SFPQ: variants seen among roughly 807,000 people sequenced by gnomAD.
The protein encoded by SFPQ is splicing factor, proline- and glutamine-rich.
In SFPQ, 11 loss-of-function variants were observed where a neutral mutation model predicts 72.9. The ratio of observed to expected loss-of-function variants is 0.15; its 90% CI spans 0.09 to 0.25. The LOEUF (loss-of-function observed/expected upper bound fraction) is 0.25. Among genes scored for constraint, SFPQ ranks in the 10% least tolerant of loss-of-function variants. The pLI is 1.00. For missense variants in SFPQ, 847 were observed against 993.3 expected, an observed-to-expected ratio of 0.85 and a Z score of 1.98; for synonymous variants, 506 against 367.3, an observed-to-expected ratio of 1.38 and a Z score of -4.32.
At chr1:35,180,609 CCAT>C, downstream of SFPQ, 3 of 1,049,528 alleles carry the variant, frequency 2.9e-6, no homozygotes, top group South Asian at 4.6e-5. Context: ...TTCATGAAGC[CCAT>C]GTTTTTAAAA....
rs527762335 is a variant in SFPQ at position 35,192,816 on chromosome 1, C to T, written c.234G>A (p.Pro78=). The T allele has an allele frequency of 1.4e-5, 21 of 1,504,768 alleles. No individual in the cohort carries two copies. The highest frequency in any genetic ancestry group is 6.5e-5 in the Admixed American group (3 of 46,330). The allele number at this position is 1,504,768 out of a possible 1,614,324, so 93.2% of individuals were successfully genotyped here. A position where few individuals can be genotyped will look rare whatever the true frequency, so the allele number is the denominator to read the frequency against. ...QQQQPPPQQP[P]PQQPPPHQPP... Reference sequence around the variant, plus strand: ...GCTGATGCGGTGGCGGCTGCTGCGGCGGTGGCTGCTGCGGTGGTGGCTGTT... The same window carrying T: ...GCTGATGCGGTGGCGGCTGCTGCGGTGGTGGCTGCTGCGGTGGTGGCTGTT... Residue 78 remains proline, a synonymous_variant, in exon 1 of 10, where the codon CCG becomes CCA. Coordinates refer to ENST00000357214, the MANE Select transcript of SFPQ (RefSeq NM_005066.3).
At chr1:35,186,803 C>T (rs1163199430) in intron 9 of SFPQ, among the ~76,000 whole-genome samples, 198 bp downstream of exon 9, 1 of 152,180 alleles carries the variant, frequency 6.6e-6, no homozygotes, top group African/African-American at 2.4e-5. Flanking sequence ...CAACCGTTAT[C>T]TGTTTAGGTT....
At position 35,187,069 on chromosome 1, in the gene SFPQ, T is replaced by TGCC; in HGVS notation, c.1915_1917dup (p.Gly639dup). The TGCC allele has an allele frequency of 1.2e-6, 2 of 1,614,096 alleles. No individual in the cohort carries two copies. The highest frequency in any genetic ancestry group is 1.7e-6 in the Non-Finnish European group (2 of 1,180,000). On this transcript the variant is annotated inframe_insertion, in exon 9 of 10. Coordinates refer to ENST00000357214, the MANE Select transcript of SFPQ (RefSeq NM_005066.3). ...ACGCCAGGATTAGCTTCATAACCTA[T>TGCC]GCCACCACCACCTCCTAGAGGTGGA...
At chr1:35,178,708 T>C (rs138245623), downstream of SFPQ, 161 of 1,054,290 alleles carry the variant, frequency 1.5e-4, 3 homozygotes, top group East Asian at 8.5e-3. Context: ...AAAACAAAGA[T>C]CAGCCTTCAT....
chr1:35,186,010 A>G (rs889912618), intron 9 of SFPQ, among the ~76,000 whole-genome samples: 3 of 152,238 alleles, frequency 2.0e-5, no homozygotes, highest in Non-Finnish European at 2.9e-5. Context: ...TGAAAAATCT[A>G]AAGAAAGCCC....
chr1:35,184,250 G>A lies in SFPQ; in HGVS notation c.*206C>T. On this transcript the variant is annotated 3_prime_UTR_variant, in exon 10 of 10. Transcript: ENST00000357214. ...TATACAGTAAAAAAGAAAAAATAAA[G>A]AAATAAAAAGGAAAAAAAAATTCTC... The A allele has an allele frequency of 1.5e-6, 2 of 1,335,516 alleles. No homozygotes were observed. Among genetic ancestry groups the A allele is most frequent in the Non-Finnish European group, 1.9e-6 (2 of 1,052,182 alleles). The allele number at this position is 1,335,516 out of a possible 1,614,324, so 82.7% of individuals were successfully genotyped here.
At position 35,192,425 on chromosome 1, in the gene SFPQ, C is replaced by T. The variant is rs1379833571; in HGVS notation, c.625G>A (p.Gly209Ser). The change falls in exon 1 of 10, where the codon GGC becomes AGC. Residue 209 changes from glycine (G) to serine (S), a missense_variant. Transcript: ENST00000357214. ...TTCGGCCCGCCAGGCATTTTGCCGC[C>T]TTTGGGACCACCCGGACCTGGGCCC... ...KQGPGPGGPK[G>S]GKMPGGPKPG... 2.8e-6 allele frequency: 4 copies of T among 1,426,526 alleles called. No individual in the cohort carries two copies. The highest frequency in any genetic ancestry group is 1.4e-5 in the South Asian group (1 of 69,908). 88.4% of individuals were successfully genotyped at this position (1,426,526 alleles called of 1,614,324 possible).
chr1:35,189,463 C>T, intron 4 of SFPQ, 81 bp from the exon 5 acceptor site: 1 of 1,151,252 alleles, frequency 8.7e-7, no homozygotes, highest in South Asian at 1.5e-5. Context: ...GATCTTTTTC[C>T]TGTTCTATTT....
intron 9 of SFPQ, 55 bp downstream of exon 9, chr1:35,186,945 AC>A (rs1639748594): frequency 6.4e-7 from 1 of 1,559,128 alleles, no homozygotes; most frequent in Non-Finnish European, 8.7e-7. Flanking sequence ...AAACAAACAC[AC>A]CTAAGTTGTG....
chr1:35,178,289 T>A (rs1159812363), downstream of SFPQ: 1 of 1,098,346 alleles, frequency 9.1e-7, no homozygotes, highest in Non-Finnish European at 1.1e-6. Context: ...TGACTCTCAG[T>A]TTCACCAGTC....
chr1:35,181,201 T>G, downstream of SFPQ: 1 of 1,065,482 alleles, frequency 9.4e-7, no homozygotes, highest in Non-Finnish European at 1.1e-6. Flanking sequence ...CTAATGTCCA[T>G]TGCCATTTGC....
intron 7 of SFPQ, 52 bp downstream of exon 7, chr1:35,187,921 C>T: frequency 9.2e-7 from 1 of 1,089,678 alleles, no homozygotes. Flanking sequence ...CTTCTAGGTA[C>T]CTGCAAGTTC....
At chr1:35,182,552 G>GA (rs955162482), downstream of SFPQ, 1 of 985,276 alleles carries the variant, frequency 1.0e-6, no homozygotes, top group African/African-American at 1.7e-5. Flanking sequence ...TTCCTATGCA[G>GA]AAAGTGCTCA....
chr1:35,189,164 G>A (rs2088481), intron 5 of SFPQ, 22 bp downstream of exon 5: 144,245 of 1,612,540 alleles, frequency 0.089, 29,638 homozygotes, highest in East Asian at 0.69. Context: ...TAGCAATGAT[G>A]TTCACGCACA....
chr1:35,176,692 ACT>A (rs1639252102), intron 5 of SFPQ, among the ~76,000 whole-genome samples: 1 of 151,334 alleles, frequency 6.6e-6, no homozygotes, highest in Non-Finnish European at 1.5e-5. Context: ...ACATGGTGAA[ACT>A]CTGTCTCTAC....
rs1640055419 is a variant in SFPQ at position 35,192,279 on chromosome 1, C to A, written c.771G>T (p.Gln257His). Residue 257 changes from glutamine (Q) to histidine (H), a missense_variant, in exon 1 of 10, where the codon CAG (glutamine) becomes CAT (histidine). Transcript: ENST00000357214. ...HHPPYHQQHH[Q>H]GPPPGGPGGR... ...CGCCGGGCCCGCCGGGCGGGGGCCCCTGGTGATGCTGCTGGTGGTAGGGCG... is the reference window on the plus strand; with the variant it reads ...CGCCGGGCCCGCCGGGCGGGGGCCCATGGTGATGCTGCTGGTGGTAGGGCG... 6.8e-7 allele frequency: 1 copy of A among 1,462,614 alleles called. No homozygotes were observed. 90.6% of individuals were successfully genotyped at this position (1,462,614 alleles called of 1,614,324 possible).
Position 35,189,035 on chromosome 1 carries a change from T to C in SFPQ, c.1665A>G (p.Gln555=). The C allele has an allele frequency of 6.2e-7, 1 of 1,612,616 alleles. No homozygotes were observed. The highest frequency in any genetic ancestry group is 8.5e-7 in the Non-Finnish European group (1 of 1,179,908). The stretch of plus-strand genomic sequence containing the variant: ...GCATTTCTTTACGTTTCTGCATTTC[T>C]TGATTGTGAAGTTCTTCCATGCGTC... ...ELRRMEELHN[Q]EMQKRKEMQL... Residue 555 remains glutamine, a synonymous_variant, in exon 6 of 10, where the codon CAA becomes CAG. Coordinates refer to ENST00000357214, the MANE Select transcript of SFPQ (RefSeq NM_005066.3).
chr1:35,185,758 T>TA (rs1233757280), intron 9 of SFPQ, among the ~76,000 whole-genome samples: 24 of 152,200 alleles, frequency 1.6e-4, no homozygotes, highest in Non-Finnish European at 4.4e-5. Context: ...CAAAATCTTA[T>TA]AAATTACAGG....
downstream of SFPQ, chr1:35,178,884 CAAAA>C (rs200118997): frequency 1.4e-4 from 131 of 963,464 alleles, no homozygotes; most frequent in African/African-American, 1.7e-3. Context: ...TTTTCACTCT[CAAAA>C]AAAAAAAAAA....
Sources: gnomAD v4.1 joint callset for allele counts (sites outside exome capture counted in the v4.1 genomes callset) on GRCh38, gnomAD v4.1.1 for gene constraint, MANE v1.5 for transcripts, NCBI Gene and HGNC (gene_info 2026-07-23, HGNC 2026-07-21) for gene names.